CHRM5: variants seen among roughly 807,000 people sequenced by gnomAD.
CHRM5 encodes muscarinic acetylcholine receptor M5.
A neutral mutation model predicts 39.0 loss-of-function variants in CHRM5; 18 were observed. The ratio of observed to expected loss-of-function variants is 0.46; its 90% CI spans 0.32 to 0.68. The LOEUF (loss-of-function observed/expected upper bound fraction) is 0.68. CHRM5 is among the 30% of genes least tolerant of loss of function. The pLI is 0.04. For synonymous variants in CHRM5, 241 were observed against 246.3 expected, an observed-to-expected ratio of 0.98 and a Z score of 0.20; for missense variants, 515 against 651.1, an observed-to-expected ratio of 0.79 and a Z score of 2.28.
At chr15:33,979,250 G>T (rs1000033054) in intron 1 of CHRM5, among the ~76,000 whole-genome samples, 1 of 152,160 alleles carries the variant, frequency 6.6e-6, no homozygotes, top group Admixed American at 6.5e-5. Context: ...GGCCAGGCAC[G>T]GTGTCCCATG....
intron 1 of CHRM5, among the ~76,000 whole-genome samples, chr15:33,995,220 T>C (rs1186467480): frequency 1.3e-5 from 2 of 152,214 alleles, no homozygotes; most frequent in African/African-American, 4.8e-5. Flanking sequence ...GCTATGATCA[T>C]GCCACTGCAC....
Position 34,049,142 on chromosome 15 carries a change from G to A in CHRM5, c.-76+2271G>A, listed in dbSNP as rs371104787. 8.5e-5 allele frequency among the ~76,000 whole-genome samples: 13 copies of A among 152,278 alleles called. No individual in the cohort carries two copies. The South Asian group carries it at 2.3e-3, about 27-fold the overall frequency. On this transcript the variant is annotated intron_variant, in intron 2 of 2. Coordinates refer to ENST00000383263, the MANE Select transcript of CHRM5 (RefSeq NM_012125.4). ...CTGAAAACTCAAAAAGACAGAGTGC[G>A]TCTCTGCCTCCAAATGACTGCACAC...
intron 1 of CHRM5, among the ~76,000 whole-genome samples, chr15:34,010,071 G>A (rs1897570413): frequency 6.6e-6 from 1 of 151,974 alleles, no homozygotes; most frequent in South Asian, 2.1e-4. Context: ...AGGGAGAATA[G>A]AAAGTTTAAC....
intron 1 of CHRM5, among the ~76,000 whole-genome samples, chr15:34,017,491 T>TG (rs1567469656): frequency 1.1e-5 from 1 of 87,236 alleles, no homozygotes; most frequent in Non-Finnish European, 3.4e-5. Flanking sequence ...TTTGTTTTTT[T>TG]TTTTTTTTTG....
At chr15:34,028,248 A>C (rs1898593396) in intron 1 of CHRM5, among the ~76,000 whole-genome samples, 1 of 152,204 alleles carries the variant, frequency 6.6e-6, no homozygotes, top group African/African-American at 2.4e-5. Flanking sequence ...ATGAGTATAT[A>C]GTTTGCATCT....
At chr15:34,037,564 A>C (rs891504534) in intron 1 of CHRM5, among the ~76,000 whole-genome samples, 1 of 149,292 alleles carries the variant, frequency 6.7e-6, no homozygotes, top group Non-Finnish European at 1.5e-5. Flanking sequence ...ATATATATAT[A>C]ATAGAGTTAT....
At chr15:33,996,329 G>A (rs916587439) in intron 1 of CHRM5, among the ~76,000 whole-genome samples, 1 of 152,210 alleles carries the variant, frequency 6.6e-6, no homozygotes, top group African/African-American at 2.4e-5. Context: ...GAGAGGTGTG[G>A]TTCTCCCAGC....
intron 1 of CHRM5, chr15:34,018,272 A>C (rs940862380): frequency 1.3e-5 from 2 of 152,204 alleles, no homozygotes; most frequent in Non-Finnish European, 2.9e-5. Flanking sequence ...TTGTGTCCGG[A>C]ATTTATTCCT....
intron 1 of CHRM5, among the ~76,000 whole-genome samples, chr15:33,988,133 C>G (rs527237948): frequency 2.9e-3 from 439 of 152,344 alleles, no homozygotes; most frequent in Non-Finnish European, 5.1e-3. Context: ...AGCTTCTTAA[C>G]CAACCACAAA....
In CHRM5 at chr15:34,063,332, T is replaced by G; in HGVS notation, c.615T>G (p.Pro205=). ...CTGCCATTGCTGCCTTCTACATCCCTGTTTCTGTCATGACCATCCTCTACT... is the reference window on the plus strand; with the variant it reads ...CTGCCATTGCTGCCTTCTACATCCCGGTTTCTGTCATGACCATCCTCTACT... ...FGTAIAAFYI[P]VSVMTILYCR... is the part of the protein sequence containing the mutation. The change falls in exon 3 of 3, where the codon CCT becomes CCG. Residue 205 remains proline (P), a synonymous_variant. Transcript: ENST00000383263. The surrounding 1 kb of genome is among the most constrained non-coding windows in gnomAD (Gnocchi z 4.1). 6.2e-7 allele frequency: 1 copy of G among 1,614,150 alleles called. No individual in the cohort carries two copies. The highest frequency in any genetic ancestry group is 1.6e-4 in the Middle Eastern group (1 of 6,062).
chr15:34,038,100 C>T (rs1899237299), intron 1 of CHRM5, among the ~76,000 whole-genome samples: 1 of 152,146 alleles, frequency 6.6e-6, no homozygotes, highest in African/African-American at 2.4e-5. Flanking sequence ...GCTATTAAAA[C>T]TCAGAACTTG....
At chr15:34,040,652 G>A (rs1899433118) in intron 1 of CHRM5, among the ~76,000 whole-genome samples, 1 of 152,002 alleles carries the variant, frequency 6.6e-6, no homozygotes, top group African/African-American at 2.4e-5. Flanking sequence ...TTACAGGCCA[G>A]GTGTGTGGTT....
chr15:33,998,940 C>G (rs563623269), intron 1 of CHRM5, among the ~76,000 whole-genome samples: 1 of 152,274 alleles, frequency 6.6e-6, no homozygotes, highest in Admixed American at 6.5e-5. Flanking sequence ...TGGCATCACC[C>G]AAATGTATTA....
intron 1 of CHRM5, among the ~76,000 whole-genome samples, chr15:33,987,240 T>A (rs189603847): frequency 2.0e-5 from 3 of 152,354 alleles, no homozygotes; most frequent in African/African-American, 7.2e-5. Flanking sequence ...GTATCCCATA[T>A]GTGCTTTATT....
At chr15:34,027,821 G>A (rs1383877030) in intron 1 of CHRM5, among the ~76,000 whole-genome samples, 2 of 63,920 alleles carry the variant, frequency 3.1e-5, no homozygotes, top group African/African-American at 7.6e-5. Flanking sequence ...GATCAGGTGA[G>A]GCTCAAAAAA....
chr15:34,039,196 G>A, intron 1 of CHRM5: 1 of 635,368 alleles, frequency 1.6e-6, no homozygotes, highest in Non-Finnish European at 2.0e-6. Context: ...GATCGAGGCC[G>A]GCCGCAGCGG....
At chr15:34,031,117 G>A (rs1898772910) in intron 1 of CHRM5, among the ~76,000 whole-genome samples, 1 of 6,958 alleles carries the variant, frequency 1.4e-4, no homozygotes, top group African/African-American at 1.6e-4. Context: ...GAATACATAT[G>A]AGTTTTTTTT....
At chr15:33,976,217 A>T (rs569082836) in intron 1 of CHRM5, among the ~76,000 whole-genome samples, 1 of 152,346 alleles carries the variant, frequency 6.6e-6, no homozygotes, top group African/African-American at 2.4e-5. Context: ...ATTATGACAT[A>T]CTATTTATAT....
chr15:34,026,818 C>T (rs776137741), intron 1 of CHRM5, among the ~76,000 whole-genome samples: 1 of 152,092 alleles, frequency 6.6e-6, no homozygotes, highest in African/African-American at 2.4e-5. Flanking sequence ...ACTTCCCCTG[C>T]GGTCTTTTGT....
Sources: gnomAD v4.1 joint callset for allele counts (sites outside exome capture counted in the v4.1 genomes callset) on GRCh38, gnomAD v4.1.1 for gene constraint, Gnocchi (gnomAD v3.1) non-coding constraint, MANE v1.5 for transcripts, NCBI Gene and HGNC (gene_info 2026-07-23, HGNC 2026-07-21) for gene names.